The following HMGN1 variants were observed in gnomAD, a reference collection of about 807,000 sequenced individuals.
HMGN1 encodes high mobility group nucleosome binding domain 1.
In HMGN1, 9 loss-of-function variants were observed where a neutral mutation model predicts 18.4. The ratio of observed to expected loss-of-function variants is 0.49; its 90% CI spans 0.29 to 0.85. The LOEUF (loss-of-function observed/expected upper bound fraction) is 0.85. Among genes scored for constraint, HMGN1 ranks in the 40% least tolerant of loss-of-function variants. HMGN1 has a pLI of 0.07. For synonymous variants in HMGN1, 59 were observed against 45.0 expected, an observed-to-expected ratio of 1.31 and a Z score of -1.24; for missense variants, 151 against 119.2, an observed-to-expected ratio of 1.27 and a Z score of -1.24.
At chr21:39,345,062 C>A in intron 5 of HMGN1, 84 bp downstream of exon 5, 1 of 1,423,312 alleles carries the variant, frequency 7.0e-7, no homozygotes, top group South Asian at 1.4e-5. Flanking sequence ...CTGTTATCTG[C>A]TACAAAAAAT....
chr21:39,348,598 G>C, intron 1 of HMGN1, 21 bp from the exon 2 acceptor site: 1 of 1,552,698 alleles, frequency 6.4e-7, no homozygotes, highest in Non-Finnish European at 8.7e-7. Flanking sequence ...GGAGACGCAC[G>C]AATAGAGGCG....
At chr21:39,345,949 T>C in intron 4 of HMGN1, 2 of 1,301,670 alleles carry the variant, frequency 1.5e-6, no homozygotes, top group Non-Finnish European at 2.0e-6. Context: ...CATTTAGGTG[T>C]TTGAAGAATC....
chr21:39,343,905 A>G (rs2776310), intron 5 of HMGN1, among the ~76,000 whole-genome samples: 140,394 of 152,212 alleles, frequency 0.92, 65,146 homozygotes, highest in African/African-American at 0.98. Flanking sequence ...TTTAAAATCA[A>G]AACTAGATTA....
intron 5 of HMGN1, among the ~76,000 whole-genome samples, chr21:39,343,872 G>A (rs1430199318): frequency 6.6e-6 from 1 of 152,198 alleles, no homozygotes; most frequent in Non-Finnish European, 1.5e-5. Flanking sequence ...TTGATAACAT[G>A]TACTAGAAGG....
chr21:39,344,256 C>CAAAAAAAAAA (rs3067491), intron 5 of HMGN1, among the ~76,000 whole-genome samples: 2 of 113,508 alleles, frequency 1.8e-5, no homozygotes, highest in African/African-American at 7.2e-5. Flanking sequence ...AATTCCGTCT[C>CAAAAAAAAAA]AAAAAAAAAA....
At chr21:39,348,852 G>GGCGCCGGCGGC (rs1195097050) in intron 1 of HMGN1, 51 bp downstream of exon 1, 1 of 1,062,812 alleles carries the variant, frequency 9.4e-7, no homozygotes. Context: ...GGCCCGGCGG[G>GGCGCCGGCGGC]GCGCCGGCGG....
chr21:39,343,694 C>T (rs1377432628), intron 5 of HMGN1, among the ~76,000 whole-genome samples: 2 of 152,102 alleles, frequency 1.3e-5, no homozygotes, highest in Non-Finnish European at 2.9e-5. Context: ...CATGTCTAAA[C>T]AGAAATACAC....
chr21:39,348,782 T>C, intron 1 of HMGN1, 121 bp downstream of exon 1: 1 of 1,063,762 alleles, frequency 9.4e-7, no homozygotes, highest in Non-Finnish European at 1.2e-6. Context: ...CGCCCGCCGG[T>C]CTCCAAGCGC....
chr21:39,345,361 G>T, intron 4 of HMGN1, 87 bp from the exon 5 acceptor site: 1 of 1,340,292 alleles, frequency 7.5e-7, no homozygotes, highest in Non-Finnish European at 1.1e-6. Context: ...TGTCAGACAA[G>T]TAATGTGCCC....
intron 5 of HMGN1, among the ~76,000 whole-genome samples, chr21:39,343,719 C>T (rs1417634542): frequency 6.6e-6 from 1 of 152,172 alleles, no homozygotes; most frequent in Non-Finnish European, 1.5e-5. Flanking sequence ...AACAAAGTCA[C>T]GTATTTTCAG....
At chr21:39,347,381 T>G in intron 4 of HMGN1, 1 of 1,181,120 alleles carries the variant, frequency 8.5e-7, no homozygotes, top group Non-Finnish European at 1.1e-6. Flanking sequence ...TTTTATACCT[T>G]TATTTAACAA....
chr21:39,345,326 AT>A, intron 4 of HMGN1, 52 bp from the exon 5 acceptor site: 2 of 1,562,610 alleles, frequency 1.3e-6, no homozygotes, highest in East Asian at 2.2e-5. Context: ...CCTTATTTAC[AT>A]TTTGTTTTAC....
chr21:39,345,090 C>G (rs1361371294), intron 5 of HMGN1, 56 bp downstream of exon 5: 10 of 1,323,110 alleles, frequency 7.6e-6, no homozygotes, highest in Non-Finnish European at 8.3e-6. Flanking sequence ...TTAGTATCTA[C>G]TGTTCAGAGT....
chr21:39,345,001 C>A (rs1325480368), intron 5 of HMGN1, 145 bp downstream of exon 5: 28 of 950,672 alleles, frequency 2.9e-5, no homozygotes, highest in Non-Finnish European at 3.9e-5. Context: ...AACCATTTGT[C>A]CAATCACTTT....
At chr21:39,346,713 C>G (rs536372881) in intron 4 of HMGN1, 2 of 152,374 alleles carry the variant, frequency 1.3e-5, no homozygotes, top group African/African-American at 4.8e-5. Context: ...AATCGATACA[C>G]CAAGTGCTTA....
chr21:39,348,258 C>T (rs1259426387), intron 4 of HMGN1, 34 bp downstream of exon 4: 1 of 1,612,266 alleles, frequency 6.2e-7, no homozygotes. Flanking sequence ...AGCCTAAGGC[C>T]CCGCTGCATC....
In HMGN1 at chr21:39,348,557, G is replaced by C. The variant is rs750967801; in HGVS notation, c.36C>G (p.Ala12=). The C allele has an allele frequency of 1.1e-5, 17 of 1,611,898 alleles. No homozygotes were observed. The highest frequency in any genetic ancestry group is 1.3e-5 in the Non-Finnish European group (15 of 1,179,162). Residue 12 remains alanine (A), a synonymous_variant, in exon 2 of 6, where the codon GCC becomes GCG. Coordinates refer to ENST00000380749, the MANE Select transcript of HMGN1 (RefSeq NM_004965.7). Reference sequence around the variant, plus strand: ...GGCCCGCACTCACCTCTTCCTTGGCGGCGCCTTCGGCGGAGCTGACCTGCG... The same window carrying C: ...GGCCCGCACTCACCTCTTCCTTGGCCGCGCCTTCGGCGGAGCTGACCTGCG... ...PKRKVSSAEG[A]AKEEPKRRSA...
chr21:39,344,082 C>G (rs1365963079), intron 5 of HMGN1, among the ~76,000 whole-genome samples: 3 of 151,916 alleles, frequency 2.0e-5, no homozygotes, highest in Non-Finnish European at 4.4e-5. Context: ...CGGCGAAACC[C>G]CGTTTCTACT....
chr21:39,347,922 C>T (rs1186620653), intron 4 of HMGN1: 1 of 1,041,086 alleles, frequency 9.6e-7, no homozygotes, highest in Non-Finnish European at 1.2e-6. Flanking sequence ...TTACACGTTC[C>T]CTTTCTCCTG....
Sources: gnomAD v4.1 joint callset for allele counts (sites outside exome capture counted in the v4.1 genomes callset) on GRCh38, gnomAD v4.1.1 for gene constraint, MANE v1.5 for transcripts, NCBI Gene and HGNC (gene_info 2026-07-23, HGNC 2026-07-21) for gene names.